The following ALKBH3 variants were observed in gnomAD, a reference collection of about 807,000 sequenced individuals.
ALKBH3 encodes alpha-ketoglutarate-dependent dioxygenase alkB homolog 3.
A neutral mutation model predicts 43.9 loss-of-function variants in ALKBH3; 51 were observed. The observed-to-expected ratio is 1.16, with a 90% confidence interval of 0.93 to 1.47. ALKBH3 has a LOEUF of 1.47. ALKBH3 is among the 40% of genes most tolerant of loss of function. The probability of loss-of-function intolerance (pLI) is 0.00; values close to 1 mark genes in which losing one functional copy is unlikely to be tolerated. For missense variants in ALKBH3, 361 were observed against 351.9 expected (o/e 1.03, Z -0.21); for synonymous variants, 102 against 115.2 (o/e 0.89, Z 0.73).
At chr11:43,886,126 A>G (rs990056804) in intron 4 of ALKBH3, among the ~76,000 whole-genome samples, 1 of 152,206 alleles carries the variant, frequency 6.6e-6, no homozygotes, top group Non-Finnish European at 1.5e-5. Context: ...CTACATTATG[A>G]GGACCTTGAA....
chr11:43,897,925 T>C (rs1951830836), intron 7 of ALKBH3: 4 of 783,006 alleles, frequency 5.1e-6, no homozygotes, highest in East Asian at 2.4e-5. Context: ...AATTATTGAA[T>C]ACTACCTTCG....
chr11:43,881,799 T>C (rs1951713088), intron 1 of ALKBH3, among the ~76,000 whole-genome samples: 1 of 152,186 alleles, frequency 6.6e-6, no homozygotes, highest in Non-Finnish European at 1.5e-5. Flanking sequence ...CTTTCTTAGG[T>C]AGAAGCATAA....
At position 43,893,402 on chromosome 11, in the gene ALKBH3, C is replaced by T. The variant is rs145617442; in HGVS notation, c.459+1273C>T. On this transcript the variant is annotated intron_variant, in intron 7 of 9. Coordinates refer to ENST00000302708, the MANE Select transcript of ALKBH3 (RefSeq NM_139178.4). ...GGTTAAGAACCAGTGGGAATAAACA[C>T]AGGATCTGCTGAGTAAAGTAGCCTC... is the stretch of plus-strand genomic sequence containing the variant. Among the ~76,000 whole-genome samples, 185 of 152,314 alleles carry T rather than the reference C, an allele frequency of 1.2e-3. 1 individual carries two copies. Among genetic ancestry groups the T allele is most frequent in the African/African-American group, 4.0e-3 (168 of 41,578 alleles).
intron 9 of ALKBH3, 78 bp from the exon 10 acceptor site, chr11:43,919,840 T>A: frequency 7.7e-7 from 1 of 1,290,618 alleles, no homozygotes; most frequent in Non-Finnish European, 1.1e-6. Flanking sequence ...TGCATTCTCA[T>A]GAATAAGTTT....
At chr11:43,898,476 G>A (rs1951835832) in intron 7 of ALKBH3, 1 of 941,450 alleles carries the variant, frequency 1.1e-6, no homozygotes, top group East Asian at 2.5e-5. Context: ...TGGGGCAGAT[G>A]GACACCAACG....
chr11:43,899,612 G>C, intron 7 of ALKBH3: 3 of 518,332 alleles, frequency 5.8e-6, no homozygotes, highest in Non-Finnish European at 1.1e-5. Flanking sequence ...GCCCCTCCTC[G>C]GACAGCCAGC....
chr11:43,916,943 T>G (rs527342732), intron 8 of ALKBH3: 1 of 152,316 alleles, frequency 6.6e-6, no homozygotes, highest in South Asian at 2.1e-4. Flanking sequence ...GAATGCATCT[T>G]CTAAGTCAAA....
intron 7 of ALKBH3, among the ~76,000 whole-genome samples, chr11:43,900,007 AAAC>A (rs1333605526): frequency 6.6e-6 from 1 of 152,042 alleles, no homozygotes. Flanking sequence ...ACTTCAATAA[AAAC>A]AACCTATTTT....
rs368809348 is a variant in ALKBH3 at position 43,899,111 on chromosome 11, T to C, written c.460-2405T>C. On this transcript the variant is annotated intron_variant, in intron 7 of 9. Transcript: ENST00000302708. ...ACATGTACAAAGGGGACATTGTCTT[T>C]AACATCTATCACTCCAAGAGGTCGC... 4.4e-5 allele frequency: 34 copies of C among 769,162 alleles called. No individual in the cohort carries two copies. The African/African-American group carries it at 5.1e-4, about 12-fold the overall frequency. The allele number at this position is 769,162 out of a possible 1,614,324, so 47.6% of individuals were successfully genotyped here. A position where few individuals can be genotyped will look rare whatever the true frequency, so the allele number is the denominator to read the frequency against.
chr11:43,903,127 G>C (rs1052734454), intron 8 of ALKBH3, among the ~76,000 whole-genome samples: 1 of 152,128 alleles, frequency 6.6e-6, no homozygotes, highest in South Asian at 2.1e-4. Flanking sequence ...CTTTGGTTAT[G>C]TTTACATAAA....
chr11:43,897,433 A>C (rs1197252877), intron 7 of ALKBH3: 1 of 735,748 alleles, frequency 1.4e-6, no homozygotes, highest in Admixed American at 1.8e-5. Flanking sequence ...CAGGTGTGAA[A>C]GGATTGCTGT....
chr11:43,887,087 T>C (rs33960545), intron 5 of ALKBH3, among the ~76,000 whole-genome samples: 7,520 of 152,286 alleles, frequency 0.049, 448 homozygotes, highest in Admixed American at 0.2. Context: ...AACCTGCATA[T>C]GTACCCCAAA....
chr11:43,919,121 A>G lies in ALKBH3; in HGVS notation c.753A>G (p.Thr251=). Residue 251 remains threonine, a synonymous_variant, in exon 9 of 10, where the codon ACA becomes ACG. Transcript: ENST00000302708. ...CCTTGTTAATCATGGAAGGAGCGACACAAGCTGACTGGCAGGTGAGGATCT... is the reference window on the plus strand; with the variant it reads ...CCTTGTTAATCATGGAAGGAGCGACGCAAGCTGACTGGCAGGTGAGGATCT... ...HGTLLIMEGA[T]QADWQHRVPK... 1 of 1,613,036 alleles carries G rather than the reference A, an allele frequency of 6.2e-7. No homozygotes were observed. The highest frequency in any genetic ancestry group is 1.1e-5 in the South Asian group (1 of 91,060).
chr11:43,919,952 CGA>C lies in ALKBH3; in HGVS notation c.807_808del (p.Arg269SerfsTer23). On this transcript the variant is annotated frameshift_variant, in exon 10 of 10. Coordinates refer to ENST00000302708, the MANE Select transcript of ALKBH3 (RefSeq NM_139178.4). LOFTEE classifies it high-confidence loss of function. The stretch of plus-strand genomic sequence containing the variant: ...CCCAAAGAATACCACTCTAGAGAAC[CGA>C]GAGTGAACCTGACCTTTCGGACAGT... 6.2e-7 allele frequency: 1 copy of C among 1,614,124 alleles called. No individual in the cohort carries two copies. Among genetic ancestry groups the C allele is most frequent in the Non-Finnish European group, 8.5e-7 (1 of 1,180,020 alleles).
At chr11:43,916,149 T>C (rs1951982098) in intron 8 of ALKBH3, among the ~76,000 whole-genome samples, 1 of 152,250 alleles carries the variant, frequency 6.6e-6, no homozygotes. Flanking sequence ...ATGAATTACC[T>C]TTCCAATGGA....
intron 2 of ALKBH3, 141 bp downstream of exon 2, chr11:43,882,872 G>A (rs907150781): frequency 4.6e-5 from 48 of 1,044,822 alleles, no homozygotes; most frequent in Admixed American, 5.9e-5. Flanking sequence ...TATTTTGTCC[G>A]ATTTTGTTGA....
At chr11:43,881,925 G>C (rs1379302790) in intron 1 of ALKBH3, among the ~76,000 whole-genome samples, 1 of 152,214 alleles carries the variant, frequency 6.6e-6, no homozygotes, top group East Asian at 1.9e-4. Context: ...TGTCAAATTA[G>C]TATTATTAGC....
intron 5 of ALKBH3, 101 bp downstream of exon 5, chr11:43,886,754 T>A: frequency 9.1e-7 from 1 of 1,103,138 alleles, no homozygotes. Flanking sequence ...ACATATACAT[T>A]ATGGAATACT....
intron 7 of ALKBH3, chr11:43,899,742 A>G: frequency 3.8e-6 from 1 of 264,050 alleles, no homozygotes; most frequent in Non-Finnish European, 7.3e-6. Flanking sequence ...GGTAGTTTTA[A>G]CTCTGATCCT....
Sources: allele counts gnomAD v4.1 joint callset (sites outside exome capture counted in the v4.1 genomes callset), GRCh38; gene constraint gnomAD v4.1.1; transcripts MANE v1.5; gene names NCBI Gene and HGNC (gene_info 2026-07-23, HGNC 2026-07-21).